The following RHPN1 variants were observed in gnomAD, a reference collection of about 807,000 sequenced individuals.
RHPN1 encodes the protein rhophilin Rho GTPase binding protein 1.
A neutral mutation model predicts 74.7 loss-of-function variants in RHPN1; 77 were observed. The observed-to-expected ratio is 1.03, with a 90% CI of 0.86 to 1.25. The LOEUF (loss-of-function observed/expected upper bound fraction) is 1.25, where lower values mean the gene tolerates loss of function less well. Ranked by LOEUF, RHPN1 falls within the 50% of genes most tolerant of loss-of-function variation. The pLI, the probability that RHPN1 is intolerant of heterozygous loss-of-function variation, is 0.00. For synonymous variants in RHPN1, 444 were observed against 414.5 expected (o/e 1.07, Z -0.87); for missense variants, 987 against 932.2 (o/e 1.06, Z -0.77).
chr8:143,377,320 G>T, intron 3 of RHPN1, 60 bp from the exon 4 acceptor site: 1 of 1,397,182 alleles, frequency 7.2e-7, no homozygotes. Context: ...AGTGGACCCC[G>T]GGCTGCCGTG....
chr8:143,380,550 G>A, intron 10 of RHPN1, 39 bp from the exon 11 acceptor site: 1 of 1,444,260 alleles, frequency 6.9e-7, no homozygotes, highest in Non-Finnish European at 9.1e-7. Context: ...GGGCCCACGG[G>A]CCCACATGGT....
intron 1 of RHPN1, among the ~76,000 whole-genome samples, chr8:143,371,528 G>C (rs1421616031): frequency 6.6e-6 from 1 of 152,130 alleles, no homozygotes. Flanking sequence ...GCTGTTCCCA[G>C]ACCTGGGCTG....
At chr8:143,377,723 G>T (rs1818379083) in intron 4 of RHPN1, among the ~76,000 whole-genome samples, 1 of 152,182 alleles carries the variant, frequency 6.6e-6, no homozygotes, top group Non-Finnish European at 1.5e-5. Flanking sequence ...CCTCGGATGG[G>T]CAATGCCCTA....
intron 11 of RHPN1, 120 bp downstream of exon 11, chr8:143,380,903 T>A: frequency 2.3e-6 from 2 of 886,038 alleles, no homozygotes; most frequent in Non-Finnish European, 3.3e-6. Flanking sequence ...TAAACAGCAG[T>A]AGCACTTTCC....
upstream of RHPN1, among the ~76,000 whole-genome samples, chr8:143,364,670 G>A (rs888435460): frequency 4.0e-5 from 6 of 151,836 alleles, no homozygotes; most frequent in Admixed American, 2.0e-4. The surrounding 1 kb of genome is among the most constrained non-coding windows in gnomAD (Gnocchi z 4.5). Context: ...AGGCAGCCCC[G>A]AGCTGACCCT....
At chr8:143,371,481 G>C (rs544934142) in intron 1 of RHPN1, among the ~76,000 whole-genome samples, 1 of 152,096 alleles carries the variant, frequency 6.6e-6, no homozygotes, top group East Asian at 1.9e-4. Flanking sequence ...AGGGGATCCT[G>C]GGGGAGAGTG....
Position 143,382,765 on chromosome 8 carries a change from C to T in RHPN1, c.*114C>T, listed in dbSNP as rs1818831827. On this transcript the variant is annotated 3_prime_UTR_variant, in exon 15 of 15. Transcript: ENST00000289013. ...TGCCTGTCCCGCCTCATGCTGGAGGCTGCCTCGGGCACCTGCCTGCCCATT... is the reference window on the plus strand; with the variant it reads ...TGCCTGTCCCGCCTCATGCTGGAGGTTGCCTCGGGCACCTGCCTGCCCATT... 1.1e-6 allele frequency: 1 copy of T among 893,002 alleles called. No individual in the cohort carries two copies. Among genetic ancestry groups the T allele is most frequent in the South Asian group, 1.7e-5 (1 of 59,594 alleles). The allele number at this position is 893,002 out of a possible 1,614,324, so 55.3% of individuals were successfully genotyped here.
intron 1 of RHPN1, among the ~76,000 whole-genome samples, chr8:143,370,808 C>T (rs1364439101): frequency 6.6e-6 from 1 of 152,248 alleles, no homozygotes; most frequent in Non-Finnish European, 1.5e-5. Flanking sequence ...GCTGCAGGGG[C>T]TCCCGGGGGA....
At chr8:143,377,272 A>G (rs1030741701) in intron 3 of RHPN1, 108 bp from the exon 4 acceptor site, 4 of 808,524 alleles carry the variant, frequency 4.9e-6, no homozygotes, top group African/African-American at 1.7e-5. Flanking sequence ...GTGCACACCC[A>G]TGAGGGAGGG....
Position 143,377,467 on chromosome 8 carries a change from C to T in RHPN1, c.381+12C>T, listed in dbSNP as rs768757037. ...CTACACCGCTGAAGGTAGGTACTGGCCTCCAAGCTCTGAGATACACGGCCC... is the reference window on the plus strand; with the variant it reads ...CTACACCGCTGAAGGTAGGTACTGGTCTCCAAGCTCTGAGATACACGGCCC... On this transcript the variant is annotated intron_variant, in intron 4 of 14. Coordinates refer to ENST00000289013, the MANE Select transcript of RHPN1 (RefSeq NM_052924.3). 27 of 1,604,498 alleles carry T rather than the reference C, an allele frequency of 1.7e-5. No homozygotes were observed. Among genetic ancestry groups the T allele is most frequent in the Middle Eastern group, 1.6e-4 (1 of 6,062 alleles).
At position 143,379,392 on chromosome 8, in the gene RHPN1, G is replaced by T. The variant is rs759768534; in HGVS notation, c.829G>T (p.Glu277Ter). The T allele has an allele frequency of 5.1e-5, 81 of 1,596,936 alleles. No homozygotes were observed. The highest frequency in any genetic ancestry group is 6.5e-5 in the Non-Finnish European group (76 of 1,172,316). Reference protein sequence around the residue: ...DMSAASLCALEQLMMAQAQEC... With the variant: ...DMSAASLCAL The stretch of plus-strand genomic sequence containing the variant: ...GAGCGCTGCGTCCCTCTGCGCACTG[G>T]AGCAGCTCATGATGGCCCAGGCCCA... Residue 277 changes from glutamate to a stop codon, truncating the protein, a stop_gained, in exon 8 of 15, where the codon GAG becomes TAG. Coordinates refer to ENST00000289013, the MANE Select transcript of RHPN1 (RefSeq NM_052924.3). LOFTEE classifies it high-confidence loss of function.
intron 1 of RHPN1, among the ~76,000 whole-genome samples, chr8:143,369,460 G>A (rs1817684872): frequency 6.6e-6 from 1 of 152,230 alleles, no homozygotes; most frequent in Non-Finnish European, 1.5e-5. Context: ...CCCATTGGGT[G>A]CACTGGTAGC....
intron 7 of RHPN1, 23 bp from the exon 8 acceptor site, chr8:143,379,292 T>C (rs1224595825): frequency 1.3e-6 from 2 of 1,557,444 alleles, no homozygotes; most frequent in Admixed American, 1.8e-5. Context: ...GCCCTGCCTG[T>C]GTGAGCACCC....
chr8:143,381,984 C>G lies in RHPN1; in HGVS notation c.1797+16C>G, dbSNP rs760945918. 3.2e-6 allele frequency: 5 copies of G among 1,559,396 alleles called. No homozygotes were observed. Among genetic ancestry groups the G allele is most frequent in the African/African-American group, 1.4e-5 (1 of 73,388 alleles). On this transcript the variant is annotated intron_variant, in intron 14 of 14. Coordinates refer to ENST00000289013, the MANE Select transcript of RHPN1 (RefSeq NM_052924.3). ...GCCCAGCTTGGTGAGCCCCTGGGGCCCCAGAGGGGCGGTCCCCAGCTTGCT... is the reference window on the plus strand; with the variant it reads ...GCCCAGCTTGGTGAGCCCCTGGGGCGCCAGAGGGGCGGTCCCCAGCTTGCT...
intron 4 of RHPN1, 121 bp from the exon 5 acceptor site, chr8:143,378,148 C>A: frequency 1.2e-6 from 1 of 838,546 alleles, no homozygotes; most frequent in Non-Finnish European, 1.9e-6. Flanking sequence ...TGGCAGCCAG[C>A]CTGCTCTGCG....
chr8:143,364,963 G>A (rs371958195), upstream of RHPN1, among the ~76,000 whole-genome samples: 9 of 152,250 alleles, frequency 5.9e-5, no homozygotes, highest in South Asian at 1.2e-3. The surrounding 1 kb of genome is among the most constrained non-coding windows in gnomAD (Gnocchi z 4.5). Flanking sequence ...TGCGTGCAGC[G>A]GGAGAGCGTG....
In RHPN1 at chr8:143,381,919, C is replaced by G. The variant is rs760845823; in HGVS notation, c.1748C>G (p.Ala583Gly). 1 of 1,611,022 alleles carries G rather than the reference C, an allele frequency of 6.2e-7. No homozygotes were observed. Among genetic ancestry groups the G allele is most frequent in the East Asian group, 2.2e-5 (1 of 44,856 alleles). The change falls in exon 14 of 15, where the codon GCC becomes GGC. Residue 583 changes from alanine to glycine, a missense_variant. Ala to Gly is a moderately conservative substitution (Grantham distance 60, BLOSUM62 0). Coordinates refer to ENST00000289013, the MANE Select transcript of RHPN1 (RefSeq NM_052924.3). ...TELKAAGEAG[A>G]SLQVVSLLPS... ...CTGAAGGCTGCGGGAGAGGCGGGCG[C>G]CAGCCTGCAGGTGGTGTCGCTGCTG...
upstream of RHPN1, among the ~76,000 whole-genome samples, chr8:143,364,696 T>C (rs535376194): frequency 1.2e-3 from 182 of 152,284 alleles, no homozygotes; most frequent in Non-Finnish European, 2.4e-3. This position sits in a 1 kb window ranked among gnomAD's most constrained non-coding sequence, Gnocchi z 4.5. Context: ...TGGGGAGGGA[T>C]TGATGGCCCC....
Position 143,383,540 on chromosome 8 carries a change from C to T in RHPN1, c.*889C>T, listed in dbSNP as rs1356836224. ...CTCCGTGTACTGGGTGGACAATGGC[C>T]CCCAAAGGCCGTCGGCAAGAACACC... On this transcript the variant is annotated 3_prime_UTR_variant, in exon 15 of 15. Coordinates refer to ENST00000289013, the MANE Select transcript of RHPN1 (RefSeq NM_052924.3). 1 of 152,402 alleles carries T rather than the reference C, an allele frequency of 6.6e-6. No homozygotes were observed. Among genetic ancestry groups the T allele is most frequent in the Non-Finnish European group, 1.5e-5 (1 of 68,174 alleles). 9.4% of individuals were successfully genotyped at this position (152,402 alleles called of 1,614,324 possible).
Sources: allele counts gnomAD v4.1 joint callset (sites outside exome capture counted in the v4.1 genomes callset), GRCh38; gene constraint gnomAD v4.1.1; non-coding constraint Gnocchi (gnomAD v3.1); transcripts MANE v1.5; gene names NCBI Gene and HGNC (gene_info 2026-07-23, HGNC 2026-07-21).